ATP2B4: variants seen among roughly 807,000 people sequenced by gnomAD.
ATP2B4 encodes ATPase plasma membrane Ca2+ transporting 4.
In ATP2B4, 39 loss-of-function variants were observed where a neutral mutation model predicts 110.3. The observed-to-expected ratio is 0.35, with a 90% CI of 0.27 to 0.46. The LOEUF (loss-of-function observed/expected upper bound fraction) is 0.46. Among genes scored for constraint, ATP2B4 ranks in the 20% least tolerant of loss-of-function variants. The pLI, the probability that ATP2B4 is intolerant of heterozygous loss-of-function variation, is 1.00. For missense variants in ATP2B4, 1,135 were observed against 1,530.9 expected (o/e 0.74, Z 4.32); for synonymous variants, 538 against 571.7 (o/e 0.94, Z 0.84).
chr1:203,634,494 T>A (rs905142464), intron 1 of ATP2B4, among the ~76,000 whole-genome samples: 2 of 152,092 alleles, frequency 1.3e-5, no homozygotes, highest in Admixed American at 1.3e-4. Context: ...AGTGCCAGAC[T>A]GGAACTTTAA....
intron 19 of ATP2B4, among the ~76,000 whole-genome samples, chr1:203,726,424 TC>T (rs1427978050): frequency 9.1e-6 from 1 of 109,456 alleles, no homozygotes; most frequent in African/African-American, 3.7e-5. Flanking sequence ...GGTGAAGATT[TC>T]TTTTTTTTTT....
At chr1:203,638,192 G>T (rs761220508) in intron 1 of ATP2B4, among the ~76,000 whole-genome samples, 3 of 152,204 alleles carry the variant, frequency 2.0e-5, no homozygotes, top group Non-Finnish European at 4.4e-5. Context: ...GCATCCTGGA[G>T]AATCGGATAC....
At chr1:203,721,885 T>A (rs28575157) in intron 17 of ATP2B4, among the ~76,000 whole-genome samples, 1 of 151,922 alleles carries the variant, frequency 6.6e-6, no homozygotes, top group Non-Finnish European at 1.5e-5. Flanking sequence ...CTGGGCTCGA[T>A]CTCCTGACCT....
intron 19 of ATP2B4, among the ~76,000 whole-genome samples, chr1:203,724,833 G>A (rs1456423424): frequency 6.7e-6 from 1 of 149,822 alleles, no homozygotes; most frequent in African/African-American, 2.4e-5. Context: ...CATGGACTCT[G>A]GGAATGACTG....
At chr1:203,631,874 A>G (rs1663280100) in intron 1 of ATP2B4, among the ~76,000 whole-genome samples, 1 of 152,196 alleles carries the variant, frequency 6.6e-6, no homozygotes, top group African/African-American at 2.4e-5. Context: ...AGCTCACTGT[A>G]AGCTCTGCCT....
Position 203,682,977 on chromosome 1 carries a change from C to T in ATP2B4, c.-229C>T, listed in dbSNP as rs1233377213. The T allele has an allele frequency of 4.3e-6, 2 of 470,228 alleles. No homozygotes were observed. Among genetic ancestry groups the T allele is most frequent in the African/African-American group, 3.9e-5 (2 of 51,312 alleles). 29.1% of individuals were successfully genotyped at this position (470,228 alleles called of 1,614,324 possible). The stretch of plus-strand genomic sequence containing the variant: ...GGAGTCCACCTTCCACTCAGTTCCC[C>T]CATCCTCTTCCTCCTCTCGCTGCCA... On this transcript the variant is annotated 5_prime_UTR_variant, in exon 2 of 21. Coordinates refer to ENST00000357681, the MANE Select transcript of ATP2B4 (RefSeq NM_001684.5).
chr1:203,695,758 A>T (rs1404283738), intron 2 of ATP2B4, among the ~76,000 whole-genome samples: 1 of 131,530 alleles, frequency 7.6e-6, no homozygotes, highest in Non-Finnish European at 1.6e-5. Context: ...TGAGTATCTT[A>T]TGTATGTCTC....
intron 1 of ATP2B4, among the ~76,000 whole-genome samples, chr1:203,672,470 C>T (rs1324692553): frequency 2.0e-5 from 3 of 151,968 alleles, no homozygotes; most frequent in South Asian, 2.1e-4. Context: ...GCTGCACACT[C>T]GCTTTGCCAT....
At chr1:203,721,654 C>CTTTTT (rs940034577) in intron 17 of ATP2B4, among the ~76,000 whole-genome samples, 113 of 116,600 alleles carry the variant, frequency 9.7e-4, no homozygotes, top group African/African-American at 1.8e-3. Context: ...TTCTTTCTTT[C>CTTTTT]TTTTTTTTTT....
rs898659225 is a variant in ATP2B4, at chr1:203,629,510, G to A, written c.-465+2291G>A. On this transcript the variant is annotated intron_variant, in intron 1 of 20. Coordinates refer to ENST00000357681, the MANE Select transcript of ATP2B4 (RefSeq NM_001684.5). This position sits in a 1 kb window ranked among gnomAD's most constrained non-coding sequence, Gnocchi z 4.6. Reference sequence around the variant, plus strand: ...TTATTTAGCGCGCACCGGGTCGCCTGAGCCCGGGGTCGCGGCCAAAGGGGT... The same window carrying A: ...TTATTTAGCGCGCACCGGGTCGCCTAAGCCCGGGGTCGCGGCCAAAGGGGT... 9.2e-5 allele frequency among the ~76,000 whole-genome samples: 14 copies of A among 152,162 alleles called. No homozygotes were observed. Among genetic ancestry groups the A allele is most frequent in the African/African-American group, 2.9e-4 (12 of 41,448 alleles).
chr1:203,676,262 C>T (rs180933914), intron 1 of ATP2B4, among the ~76,000 whole-genome samples: 126 of 152,312 alleles, frequency 8.3e-4, no homozygotes, highest in Middle Eastern at 3.4e-3. Context: ...TTCTGCAAAC[C>T]AGTTGGCATT....
intron 17 of ATP2B4, among the ~76,000 whole-genome samples, chr1:203,721,723 C>T (rs1207364754): frequency 5.0e-5 from 7 of 140,006 alleles, no homozygotes; most frequent in Non-Finnish European, 1.0e-4. Context: ...AGTGCAGTGG[C>T]GCTAACTCGG....
chr1:203,681,218 G>T (rs998903423), intron 1 of ATP2B4, among the ~76,000 whole-genome samples: 1 of 152,184 alleles, frequency 6.6e-6, no homozygotes, highest in Admixed American at 6.5e-5. Context: ...CGAGGAGGAC[G>T]CAAAGGGCAA....
In ATP2B4 at chr1:203,686,685, CTTTTTTTT is replaced by C. The variant is rs779048789; in HGVS notation, c.193+3306_193+3313del. Among the ~76,000 whole-genome samples, 152 of 42,784 alleles carry C rather than the reference CTTTTTTTT, an allele frequency of 3.6e-3. 2 individuals are homozygous for C. The highest frequency in any genetic ancestry group is 4.3e-3 in the Admixed American group (9 of 2,116). 28.1% of individuals were successfully genotyped at this position (42,784 alleles called of 152,430 possible). A position where few individuals can be genotyped will look rare whatever the true frequency, so the allele number is the denominator to read the frequency against. ...CCTGGTGTTTTTCTTTCTTTTCTTT[CTTTTTTTT>C]TTTTTTTTTTTTTTTTTTAGAAGGA... On this transcript the variant is annotated intron_variant, in intron 2 of 20. Coordinates refer to ENST00000357681, the MANE Select transcript of ATP2B4 (RefSeq NM_001684.5).
chr1:203,655,433 A>T (rs1403448408), intron 1 of ATP2B4, among the ~76,000 whole-genome samples: 1 of 151,974 alleles, frequency 6.6e-6, no homozygotes, highest in African/African-American at 2.4e-5. Flanking sequence ...ATCACCTGAG[A>T]TCAAGAGTTG....
At chr1:203,727,341 C>T (rs1039190027) in intron 19 of ATP2B4, 54 bp from the exon 20 acceptor site, 76 of 1,592,158 alleles carry the variant, frequency 4.8e-5, no homozygotes, top group Non-Finnish European at 6.1e-5. Context: ...AGTTGACTGA[C>T]AGCTCTTCTC....
At chr1:203,706,860 A>G in intron 8 of ATP2B4, 149 bp from the exon 9 acceptor site, 1 of 663,888 alleles carries the variant, frequency 1.5e-6, no homozygotes. Flanking sequence ...TACAAGCAAC[A>G]GAGAATGGGG....
rs1665590899 is a variant in ATP2B4 at position 203,698,225 on chromosome 1, A to C, written c.262A>C (p.Lys88Gln). The C allele has an allele frequency of 1.9e-6, 3 of 1,614,076 alleles. No homozygotes were observed. The highest frequency in any genetic ancestry group is 1.1e-5 in the South Asian group (1 of 91,090). Residue 88 changes from lysine (K) to glutamine (Q), a missense_variant, in exon 3 of 21, where the codon AAA (lysine) becomes CAA (glutamine). Lys to Gln is a moderately conservative substitution (Grantham distance 53). Coordinates refer to ENST00000357681, the MANE Select transcript of ATP2B4 (RefSeq NM_001684.5). The part of the protein sequence containing the change: ...QVFGHNVIPP[K>Q]KPKTFLELVW... The stretch of plus-strand genomic sequence containing the variant: ...GTTTGGACACAACGTGATCCCCCCC[A>C]AAAAGCCCAAGACTTTCTTAGAATT...
Position 203,739,787 on chromosome 1 carries a change from T to G in ATP2B4, c.3551T>G (p.Val1184Gly). 6.2e-7 allele frequency: 1 copy of G among 1,614,224 alleles called. No individual in the cohort carries two copies. Among genetic ancestry groups the G allele is most frequent in the Non-Finnish European group, 8.5e-7 (1 of 1,180,038 alleles). Residue 1184 changes from valine (V) to glycine (G), a missense_variant, in exon 21 of 21, where the codon GTG (valine) becomes GGG (glycine). Val to Gly is a moderately radical substitution (Grantham distance 109, BLOSUM62 -3). Transcript: ENST00000357681. ...TATGCCAATACAAACAACAATGCGG[T>G]GGATTGCAACCAAGTGCAGCTCCCC... ...TPYANTNNNA[V>G]DCNQVQLPQS...
Sources: allele counts gnomAD v4.1 joint callset (sites outside exome capture counted in the v4.1 genomes callset), GRCh38; gene constraint gnomAD v4.1.1; non-coding constraint Gnocchi (gnomAD v3.1); transcripts MANE v1.5; gene names NCBI Gene and HGNC (gene_info 2026-07-23, HGNC 2026-07-21).